The following PRPH2 variants were observed in gnomAD, a reference collection of about 807,000 sequenced individuals.
PRPH2 encodes peripherin 2.
A neutral mutation model predicts 31.3 loss-of-function variants in PRPH2; 17 were observed. The observed-to-expected ratio is 0.54, with a 90% confidence interval of 0.37 to 0.81. The LOEUF (loss-of-function observed/expected upper bound fraction) is 0.81, where lower values mean the gene tolerates loss of function less well. Ranked by LOEUF, PRPH2 falls within the 40% of genes least tolerant of loss-of-function variation. PRPH2 has a pLI of 0.00. For synonymous variants in PRPH2, 165 were observed against 184.4 expected, an observed-to-expected ratio of 0.89 and a Z score of 0.85; for missense variants, 430 against 439.7, an observed-to-expected ratio of 0.98 and a Z score of 0.20.
At chr6:42,705,120 G>T (rs1415231310) in intron 1 of PRPH2, among the ~76,000 whole-genome samples, 1 of 152,188 alleles carries the variant, frequency 6.6e-6, no homozygotes, top group Admixed American at 6.5e-5. Context: ...CCCGAGGCAG[G>T]CACAGTCCTT....
At chr6:42,704,656 C>T in intron 1 of PRPH2, 45 bp from the exon 2 acceptor site, 1 of 1,613,958 alleles carries the variant, frequency 6.2e-7, no homozygotes, top group Non-Finnish European at 8.5e-7. Flanking sequence ...CCGGGCTTCT[C>T]AACAGGGGCC....
intron 1 of PRPH2, among the ~76,000 whole-genome samples, chr6:42,709,690 T>C (rs1244843370): frequency 6.6e-6 from 1 of 152,186 alleles, no homozygotes; most frequent in African/African-American, 2.4e-5. Context: ...GAGCCGTTGA[T>C]GGACGAGCAT....
intron 1 of PRPH2, among the ~76,000 whole-genome samples, chr6:42,705,243 A>G (rs1035644836): frequency 9.9e-5 from 15 of 152,150 alleles, no homozygotes; most frequent in African/African-American, 3.6e-4. Context: ...TATCTTCTGC[A>G]CTTCTATATT....
At chr6:42,701,623 C>T (rs1186229382) in intron 2 of PRPH2, among the ~76,000 whole-genome samples, 1 of 149,454 alleles carries the variant, frequency 6.7e-6, no homozygotes, top group Non-Finnish European at 1.5e-5. Flanking sequence ...ATCCTCCCAT[C>T]TTGGCCATCC....
intron 2 of PRPH2, 40 bp from the exon 3 acceptor site, chr6:42,698,547 A>T: frequency 6.2e-7 from 1 of 1,612,700 alleles, no homozygotes; most frequent in African/African-American, 1.3e-5. Flanking sequence ...ATCTGGGAGA[A>T]TCGCTGGGAG....
chr6:42,722,440 C>T lies in PRPH2; in HGVS notation c.-106G>A, dbSNP rs1761924314. The T allele has an allele frequency of 6.4e-7, 1 of 1,551,242 alleles. No homozygotes were observed. The highest frequency in any genetic ancestry group is 1.4e-5 in the African/African-American group (1 of 73,790). Reference sequence around the variant, plus strand: ...GGGCCTTGGGAAAAGTGCAGATGGCCCAAGCTGTAGGGAGCTGCCCTGGGG... The same window carrying T: ...GGGCCTTGGGAAAAGTGCAGATGGCTCAAGCTGTAGGGAGCTGCCCTGGGG... On this transcript the variant is annotated 5_prime_UTR_variant, in exon 1 of 3. Coordinates refer to ENST00000230381, the MANE Select transcript of PRPH2 (RefSeq NM_000322.5). The surrounding 1 kb of genome is among the most constrained non-coding windows in gnomAD (Gnocchi z 4.4).
Position 42,714,907 on chromosome 6 carries a change from T to C in PRPH2, c.581+6847A>G, listed in dbSNP as rs141191999. On this transcript the variant is annotated intron_variant, in intron 1 of 2. Coordinates refer to ENST00000230381, the MANE Select transcript of PRPH2 (RefSeq NM_000322.5). Reference sequence around the variant, plus strand: ...CCTCTTGGGCCTCAGATTTCTCATATATAAAATGGAGCTAATAATACCAGC... The same window carrying C: ...CCTCTTGGGCCTCAGATTTCTCATACATAAAATGGAGCTAATAATACCAGC... Among the ~76,000 whole-genome samples the C allele has an allele frequency of 5.3e-4, 80 of 152,242 alleles. 1 individual carries two copies. In the East Asian group the frequency reaches 9.1e-3, roughly 17 times the overall value.
In PRPH2 at chr6:42,713,871, G is replaced by C. The variant is rs556408531; in HGVS notation, c.581+7883C>G. ...GGAGGCGAAGGTTGCAGTGAGCCAA[G>C]ATCACACCACTACACTCCAGCCTGG... On this transcript the variant is annotated intron_variant, in intron 1 of 2. Transcript: ENST00000230381. Among the ~76,000 whole-genome samples, 275 of 119,814 alleles carry C rather than the reference G, an allele frequency of 2.3e-3. 1 individual carries two copies. Among genetic ancestry groups the C allele is most frequent in the Middle Eastern group, 0.023 (3 of 132 alleles). The allele number at this position is 119,814 out of a possible 152,430, so 78.6% of individuals were successfully genotyped here.
chr6:42,720,033 A>G (rs569784281), intron 1 of PRPH2, among the ~76,000 whole-genome samples: 2 of 152,214 alleles, frequency 1.3e-5, no homozygotes, highest in East Asian at 3.9e-4. Flanking sequence ...TTACTGCTGT[A>G]TTTTTTGTGC....
At chr6:42,702,590 G>A (rs1190467752) in intron 2 of PRPH2, among the ~76,000 whole-genome samples, 4 of 151,954 alleles carry the variant, frequency 2.6e-5, no homozygotes, top group Admixed American at 2.6e-4. Context: ...CTGACCACGT[G>A]TGGTGGCTCA....
intron 1 of PRPH2, among the ~76,000 whole-genome samples, chr6:42,719,428 C>T (rs923830698): frequency 6.6e-6 from 1 of 152,040 alleles, no homozygotes; most frequent in Non-Finnish European, 1.5e-5. Context: ...CCTACCTTGG[C>T]CTCCCAAAGT....
At chr6:42,706,416 A>G (rs2152006033) in intron 1 of PRPH2, among the ~76,000 whole-genome samples, 1 of 151,576 alleles carries the variant, frequency 6.6e-6, no homozygotes, top group Admixed American at 6.6e-5. Flanking sequence ...AAAAAAATAA[A>G]AATAAAAAAT....
rs146844134 is a variant in PRPH2 at position 42,722,189 on chromosome 6, C to G, written c.146G>C (p.Ser49Thr). The G allele has an allele frequency of 1.7e-5, 27 of 1,614,116 alleles. No individual in the cohort carries two copies. In the African/African-American group the frequency reaches 3.6e-4, roughly 22 times the overall value. Residue 49 changes from serine (S) to threonine (T), a missense_variant, in exon 1 of 3, where the codon AGC becomes ACC. By Grantham distance (58) the Ser-to-Thr change is moderately conservative. Transcript: ENST00000230381. This position sits in a 1 kb window ranked among gnomAD's most constrained non-coding sequence, Gnocchi z 4.4. ...GCTCTCAGAATTATTCATCACATCG[C>G]TCCTCTTTCGGAGTTCAATCTTCAG... ...LFLKIELRKR[S>T]DVMNNSESHF... is the part of the protein sequence containing the mutation.
intron 2 of PRPH2, among the ~76,000 whole-genome samples, chr6:42,703,025 C>T (rs778594146): frequency 1.1e-4 from 17 of 151,938 alleles, no homozygotes; most frequent in Admixed American, 2.6e-4. Context: ...GAAGACTCTA[C>T]GGAGTATGAC....
chr6:42,698,905 G>A (rs1038302870), intron 2 of PRPH2, among the ~76,000 whole-genome samples: 7 of 151,914 alleles, frequency 4.6e-5, no homozygotes, highest in African/African-American at 1.5e-4. Flanking sequence ...CCATCCCCTC[G>A]GGTCGCCCCC....
chr6:42,707,181 T>C (rs939237475), intron 1 of PRPH2, among the ~76,000 whole-genome samples: 1 of 152,154 alleles, frequency 6.6e-6, no homozygotes, highest in Non-Finnish European at 1.5e-5. Context: ...ATTACAGGTA[T>C]GAGCCACTGC....
intron 2 of PRPH2, 66 bp from the exon 3 acceptor site, chr6:42,698,573 A>G: frequency 6.3e-7 from 1 of 1,599,308 alleles, no homozygotes; most frequent in South Asian, 1.1e-5. Flanking sequence ...CCATTAGGAA[A>G]CCACAGGAGC....
chr6:42,710,334 T>C (rs767514718), intron 1 of PRPH2, among the ~76,000 whole-genome samples: 2 of 152,216 alleles, frequency 1.3e-5, no homozygotes, highest in Non-Finnish European at 2.9e-5. Flanking sequence ...AACTTCCCAG[T>C]GTATTCCCAG....
chr6:42,718,945 G>A (rs1761841440), intron 1 of PRPH2, among the ~76,000 whole-genome samples: 1 of 151,932 alleles, frequency 6.6e-6, no homozygotes, highest in Non-Finnish European at 1.5e-5. Flanking sequence ...GATTATAGGC[G>A]TGCGCCACTG....
Sources: allele counts gnomAD v4.1 joint callset (sites outside exome capture counted in the v4.1 genomes callset), GRCh38; gene constraint gnomAD v4.1.1; non-coding constraint Gnocchi (gnomAD v3.1); transcripts MANE v1.5; gene names NCBI Gene and HGNC (gene_info 2026-07-23, HGNC 2026-07-21).